CNTNAP5: variants seen among roughly 807,000 people sequenced by gnomAD.
The protein encoded by CNTNAP5 is contactin associated protein family member 5.
CNTNAP5 carries 72 observed loss-of-function variants against 150.2 expected under a neutral mutation model. That is an observed-to-expected ratio of 0.48 (90% CI 0.40 to 0.58). The LOEUF (loss-of-function observed/expected upper bound fraction) is 0.58. Ranked by LOEUF, CNTNAP5 falls within the 20% of genes least tolerant of loss-of-function variation. CNTNAP5 has a pLI of 0.00. For missense variants in CNTNAP5, 1,636 were observed against 1,626.2 expected (o/e 1.01, Z -0.10); for synonymous variants, 672 against 619.8 (o/e 1.08, Z -1.25).
At chr2:124,290,086 C>G (rs1357176663) in intron 3 of CNTNAP5, among the ~76,000 whole-genome samples, 1 of 152,078 alleles carries the variant, frequency 6.6e-6, no homozygotes, top group Non-Finnish European at 1.5e-5. Flanking sequence ...ATCTGTGCTT[C>G]CCTCGACTTC....
intron 1 of CNTNAP5, among the ~76,000 whole-genome samples, chr2:124,207,206 A>G (rs928816991): frequency 1.3e-5 from 2 of 152,186 alleles, no homozygotes; most frequent in African/African-American, 4.8e-5. Context: ...GACCAATGCT[A>G]CACATTAAAG....
In CNTNAP5 at chr2:124,342,633, C is replaced by A. The variant is rs192435405; in HGVS notation, c.382-74810C>A. Reference sequence around the variant, plus strand: ...GTATTGAACTTAGGTAACTACATTGCCATAAAATGAGAATACTCAGGAATA... The same window carrying A: ...GTATTGAACTTAGGTAACTACATTGACATAAAATGAGAATACTCAGGAATA... On this transcript the variant is annotated intron_variant, in intron 3 of 23. Transcript: ENST00000682447. Among the ~76,000 whole-genome samples, 5 of 152,068 alleles carry A rather than the reference C, an allele frequency of 3.3e-5. No individual in the cohort carries two copies. The East Asian group carries it at 7.7e-4, about 24-fold the overall frequency.
chr2:124,725,207 TA>T (rs1680131211), intron 13 of CNTNAP5, among the ~76,000 whole-genome samples: 1 of 152,130 alleles, frequency 6.6e-6, no homozygotes, highest in African/African-American at 2.4e-5. Context: ...AAAATTGAAT[TA>T]AAAATATTTC....
intron 3 of CNTNAP5, among the ~76,000 whole-genome samples, chr2:124,408,239 A>AT (rs1691636808): frequency 6.6e-6 from 1 of 152,176 alleles, no homozygotes; most frequent in South Asian, 2.1e-4. Context: ...TCCTACGCCC[A>AT]CGGAGTCTCG....
intron 13 of CNTNAP5, chr2:124,680,671 G>C (rs1350061234): frequency 6.6e-6 from 1 of 151,696 alleles, no homozygotes; most frequent in East Asian, 1.9e-4. Flanking sequence ...ATAAATTTTT[G>C]TTGGAAATTG....
chr2:124,366,863 A>T (rs1690385569), intron 3 of CNTNAP5, among the ~76,000 whole-genome samples: 1 of 152,152 alleles, frequency 6.6e-6, no homozygotes, highest in Admixed American at 6.5e-5. Context: ...GGAAGGAGGC[A>T]TAACATTGGC....
chr2:124,164,785 AG>A (rs961029320), intron 1 of CNTNAP5, among the ~76,000 whole-genome samples: 5 of 152,190 alleles, frequency 3.3e-5, no homozygotes, highest in Non-Finnish European at 7.4e-5. Flanking sequence ...GCTTTTGGGT[AG>A]GGGTTTAAAT....
intron 19 of CNTNAP5, among the ~76,000 whole-genome samples, chr2:124,812,710 A>G (rs1682263688): frequency 1.3e-5 from 2 of 152,230 alleles, no homozygotes; most frequent in East Asian, 3.9e-4. Flanking sequence ...TATAACCTGG[A>G]AGCCCCATCT....
chr2:124,524,243 C>T (rs1241735675), intron 8 of CNTNAP5, 60 bp from the exon 9 acceptor site: 3 of 1,570,960 alleles, frequency 1.9e-6, no homozygotes, highest in African/African-American at 2.7e-5. Context: ...AAATGAGCCC[C>T]CTCTCTCTAA....
intron 22 of CNTNAP5, among the ~76,000 whole-genome samples, chr2:124,904,164 G>A (rs562274656): frequency 5.6e-4 from 83 of 149,416 alleles, no homozygotes; most frequent in African/African-American, 1.9e-3. Context: ...CCTGACAACC[G>A]CCGTTCTCTC....
At chr2:124,460,743 TC>T (rs1693226684) in intron 6 of CNTNAP5, among the ~76,000 whole-genome samples, 1 of 152,322 alleles carries the variant, frequency 6.6e-6, no homozygotes, top group East Asian at 1.9e-4. Flanking sequence ...CTTGCTGCCT[TC>T]CTTACTTTTA....
chr2:124,454,366 A>G (rs1693063798), intron 6 of CNTNAP5, among the ~76,000 whole-genome samples: 1 of 152,192 alleles, frequency 6.6e-6, no homozygotes, highest in African/African-American at 2.4e-5. Flanking sequence ...TCATAAATAT[A>G]TATGCACCTA....
intron 21 of CNTNAP5, among the ~76,000 whole-genome samples, chr2:124,871,411 C>T (rs954530678): frequency 6.6e-6 from 1 of 152,060 alleles, no homozygotes; most frequent in Non-Finnish European, 1.5e-5. Flanking sequence ...AGAGGTGTAA[C>T]GGAGCCAGTG....
At chr2:124,239,876 A>G (rs1396702239) in intron 2 of CNTNAP5, among the ~76,000 whole-genome samples, 1 of 152,134 alleles carries the variant, frequency 6.6e-6, no homozygotes. Context: ...GGAATTGTGA[A>G]TATGTTGAGG....
At chr2:124,337,342 T>A (rs1333628132) in intron 3 of CNTNAP5, among the ~76,000 whole-genome samples, 4 of 152,192 alleles carry the variant, frequency 2.6e-5, no homozygotes, top group Non-Finnish European at 4.4e-5. Flanking sequence ...ACTCTGATGG[T>A]ACTTTCTTTT....
At chr2:124,168,718 G>T (rs759179065) in intron 1 of CNTNAP5, among the ~76,000 whole-genome samples, 1 of 152,046 alleles carries the variant, frequency 6.6e-6, no homozygotes, top group Non-Finnish European at 1.5e-5. Flanking sequence ...CGTGATCTCA[G>T]ATCTTCTGTA....
chr2:124,620,771 AC>A (rs1677597123), intron 12 of CNTNAP5, among the ~76,000 whole-genome samples: 1 of 151,838 alleles, frequency 6.6e-6, no homozygotes, highest in African/African-American at 2.4e-5. Context: ...ACACACACAC[AC>A]ACATATATAT....
chr2:124,883,448 T>C lies in CNTNAP5; in HGVS notation c.3436+13686T>C, dbSNP rs542360428. Among the ~76,000 whole-genome samples the C allele has an allele frequency of 2.0e-5, 3 of 152,168 alleles. No individual in the cohort carries two copies. In the South Asian group the frequency reaches 6.2e-4, roughly 32 times the overall value. On this transcript the variant is annotated intron_variant, in intron 21 of 23. Coordinates refer to ENST00000682447, the MANE Select transcript of CNTNAP5 (RefSeq NM_001367498.1). ...TTGAGGTGGGAGATAGGGGCTTTGG[T>C]CATGTGTGTGGGTAGAGTGCTTCTC...
intron 3 of CNTNAP5, among the ~76,000 whole-genome samples, chr2:124,299,342 C>G (rs1489392033): frequency 6.6e-6 from 1 of 152,154 alleles, no homozygotes; most frequent in Non-Finnish European, 1.5e-5. Flanking sequence ...CCTCCTCCCA[C>G]CCTCCACCCT....
Sources: allele counts gnomAD v4.1 joint callset (sites outside exome capture counted in the v4.1 genomes callset), GRCh38; gene constraint gnomAD v4.1.1; transcripts MANE v1.5; gene names NCBI Gene and HGNC (gene_info 2026-07-23, HGNC 2026-07-21).